The following PODXL variants were observed in gnomAD, a reference collection of about 807,000 sequenced individuals.
The protein encoded by PODXL is podocalyxin like.
A neutral mutation model predicts 48.9 loss-of-function variants in PODXL; 20 were observed. That is an observed-to-expected ratio of 0.41 (90% CI 0.29 to 0.59). The LOEUF is 0.59. PODXL is among the 20% of genes least tolerant of loss of function. The probability of loss-of-function intolerance (pLI) is 0.31; values close to 1 mark genes in which losing one functional copy is unlikely to be tolerated. For missense variants in PODXL, 606 were observed against 675.1 expected (o/e 0.90, Z 1.13); for synonymous variants, 295 against 287.4 (o/e 1.03, Z -0.27).
At chr7:131,526,327 A>C (rs77114770) in intron 1 of PODXL, among the ~76,000 whole-genome samples, 8,768 of 152,278 alleles carry the variant, frequency 0.058, 357 homozygotes, top group Non-Finnish European at 0.082. Context: ...CAAAACAAGA[A>C]ATACTGGATC....
rs1554383572 is a variant in PODXL at position 131,516,736 on chromosome 7, C to CTTA, written c.101-5304_101-5303insTAA. Reference sequence around the variant, plus strand: ...CTTTGACTGTGGTGCTTTTTTTTCTCTTTTTTTTTTTTTTTTTGAGACAGG... The same window carrying CTTA: ...CTTTGACTGTGGTGCTTTTTTTTCTCTTATTTTTTTTTTTTTTTTTGAGACAGG... On this transcript the variant is annotated intron_variant, in intron 1 of 8. Coordinates refer to ENST00000378555, the MANE Select transcript of PODXL (RefSeq NM_001018111.3). Among the ~76,000 whole-genome samples, 22 of 125,620 alleles carry CTTA rather than the reference C, an allele frequency of 1.8e-4. No homozygotes were observed. The East Asian group carries it at 5.0e-3, about 28-fold the overall frequency. The allele number at this position is 125,620 out of a possible 152,430, so 82.4% of individuals were successfully genotyped here. A position where few individuals can be genotyped will look rare whatever the true frequency, so the allele number is the denominator to read the frequency against.
At chr7:131,525,931 G>A (rs1330142596) in intron 1 of PODXL, among the ~76,000 whole-genome samples, 1 of 152,146 alleles carries the variant, frequency 6.6e-6, no homozygotes, top group Non-Finnish European at 1.5e-5. Flanking sequence ...TCAGTCAGTC[G>A]GAACTCATGT....
chr7:131,522,432 G>A (rs1411977698), intron 1 of PODXL, among the ~76,000 whole-genome samples: 3 of 152,066 alleles, frequency 2.0e-5, no homozygotes, highest in Non-Finnish European at 4.4e-5. Context: ...GCAACATGGC[G>A]AGGATGCATC....
intron 1 of PODXL, chr7:131,520,454 A>G: frequency 4.3e-6 from 1 of 231,966 alleles, no homozygotes; most frequent in Non-Finnish European, 8.6e-6. Flanking sequence ...TTGGTTACCC[A>G]CGTGCCTGTT....
intron 5 of PODXL, chr7:131,506,979 G>A (rs547666366): frequency 2.2e-5 from 11 of 507,870 alleles, no homozygotes; most frequent in African/African-American, 1.3e-4. Context: ...TCTGGTCTAC[G>A]CTTGCACCTT....
At chr7:131,518,819 C>T (rs780239110) in intron 1 of PODXL, among the ~76,000 whole-genome samples, 78 of 152,284 alleles carry the variant, frequency 5.1e-4, no homozygotes, top group Admixed American at 1.4e-3. Flanking sequence ...CCCTCCACCA[C>T]GCCACTTGGT....
At chr7:131,536,730 G>C (rs1798380227) in intron 1 of PODXL, among the ~76,000 whole-genome samples, 1 of 152,152 alleles carries the variant, frequency 6.6e-6, no homozygotes, top group Admixed American at 6.5e-5. Flanking sequence ...GCTGCCCCAT[G>C]CTCACAGTAG....
In PODXL at chr7:131,506,196, G is replaced by A. The variant is rs1797798379; in HGVS notation, c.1311+64C>T. On this transcript the variant is annotated intron_variant, in intron 7 of 8. Transcript: ENST00000378555. ...GGTTCCTCCCCACAGAGAGAGGGGA[G>A]TAACCAGACCTCCCACAAGGGGCTT... 1.3e-5 allele frequency: 20 copies of A among 1,583,252 alleles called. No individual in the cohort carries two copies. The South Asian group carries it at 1.3e-4, about 11-fold the overall frequency.
chr7:131,541,435 C>G (rs1309181902), intron 1 of PODXL, among the ~76,000 whole-genome samples: 1 of 152,054 alleles, frequency 6.6e-6, no homozygotes, highest in African/African-American at 2.4e-5. Flanking sequence ...CACCTGTAAT[C>G]CCAGCACTTT....
chr7:131,552,963 T>C (rs1453446949), intron 1 of PODXL, among the ~76,000 whole-genome samples: 1 of 152,204 alleles, frequency 6.6e-6, no homozygotes, highest in Non-Finnish European at 1.5e-5. Flanking sequence ...CTAATTTTTT[T>C]GTCTTTTTAG....
At chr7:131,526,703 G>A (rs542458995) in intron 1 of PODXL, among the ~76,000 whole-genome samples, 1 of 143,804 alleles carries the variant, frequency 7.0e-6, no homozygotes, top group South Asian at 2.3e-4. Flanking sequence ...AAAGTTAGAC[G>A]TGTACACATA....
Position 131,505,897 on chromosome 7 carries a change from G to A in PODXL, c.1450C>T (p.His484Tyr), listed in dbSNP as rs764811320. Residue 484 changes from histidine (H) to tyrosine (Y), a missense_variant, in exon 8 of 9, where the codon CAC (histidine) becomes TAC (tyrosine). His to Tyr is a moderately conservative substitution (Grantham distance 83). Coordinates refer to ENST00000378555, the MANE Select transcript of PODXL (RefSeq NM_001018111.3). ...TCCTTCCTCTGGGAGAGGCGCTGGTGGCAGCAGCCATAGAGGGCCGCCACG... is the reference window on the plus strand; with the variant it reads ...TCCTTCCTCTGGGAGAGGCGCTGGTAGCAGCAGCCATAGAGGGCCGCCACG... ...LLVAALYGCC[H>Y]QRLSQRKDQQ... 20 of 1,573,998 alleles carry A rather than the reference G, an allele frequency of 1.3e-5. No individual in the cohort carries two copies. The East Asian group carries it at 4.6e-4, about 36-fold the overall frequency.
intron 1 of PODXL, among the ~76,000 whole-genome samples, chr7:131,548,077 G>A (rs2116866399): frequency 6.6e-6 from 1 of 152,326 alleles, no homozygotes; most frequent in South Asian, 2.1e-4. Context: ...AATTAGGAAG[G>A]AGCCAGGTTT....
At chr7:131,509,269 G>A (rs1436464263) in intron 4 of PODXL, 96 bp downstream of exon 4, 1 of 1,020,828 alleles carries the variant, frequency 9.8e-7, no homozygotes, top group East Asian at 2.4e-5. Flanking sequence ...CCCAGCCAGG[G>A]GCCCTGCGTT....
chr7:131,512,390 G>A (rs1797928352), intron 1 of PODXL, among the ~76,000 whole-genome samples: 1 of 152,092 alleles, frequency 6.6e-6, no homozygotes, highest in Admixed American at 6.5e-5. Context: ...GAGACGAGCG[G>A]GGAGGGACCA....
At chr7:131,545,495 ACT>A (rs1224391668) in intron 1 of PODXL, among the ~76,000 whole-genome samples, 1 of 152,150 alleles carries the variant, frequency 6.6e-6, no homozygotes, top group Admixed American at 6.5e-5. Flanking sequence ...ACAGTTGGTC[ACT>A]CTATCTTCAC....
At chr7:131,550,217 G>A (rs1798647723) in intron 1 of PODXL, among the ~76,000 whole-genome samples, 2 of 152,372 alleles carry the variant, frequency 1.3e-5, no homozygotes, top group South Asian at 4.1e-4. Flanking sequence ...GGTGGCCAGT[G>A]CTATGGCACA....
Position 131,500,551 on chromosome 7 carries a change from C to G in PODXL, c.*3760G>C, listed in dbSNP as rs1054420235. 3 of 152,468 alleles carry G rather than the reference C, an allele frequency of 2.0e-5. No individual in the cohort carries two copies. The highest frequency in any genetic ancestry group is 6.5e-5 in the Admixed American group (1 of 15,286). 9.4% of individuals were successfully genotyped at this position (152,468 alleles called of 1,614,324 possible). A position where few individuals can be genotyped will look rare whatever the true frequency, so the allele number is the denominator to read the frequency against. ...GATCAGCTAGTGACCGTGACAAAAG[C>G]TATGCTACAGTTTTACTCTTGCCCT... On this transcript the variant is annotated 3_prime_UTR_variant, in exon 9 of 9. Coordinates refer to ENST00000378555, the MANE Select transcript of PODXL (RefSeq NM_001018111.3).
In PODXL at chr7:131,501,498, G is replaced by A. The variant is rs1797702487; in HGVS notation, c.*2813C>T. ...GGAAAAAAATCTGGTGCCTAGACTA[G>A]ATTAAACCCGTATTCTGTCTTACAA... On this transcript the variant is annotated 3_prime_UTR_variant, in exon 9 of 9. Transcript: ENST00000378555. 6.6e-6 allele frequency: 1 copy of A among 152,496 alleles called. No homozygotes were observed. Among genetic ancestry groups the A allele is most frequent in the African/African-American group, 2.4e-5 (1 of 41,438 alleles). The allele number at this position is 152,496 out of a possible 1,614,324, so 9.4% of individuals were successfully genotyped here.
Sources: gnomAD v4.1 joint callset for allele counts (sites outside exome capture counted in the v4.1 genomes callset) on GRCh38, gnomAD v4.1.1 for gene constraint, MANE v1.5 for transcripts, NCBI Gene and HGNC (gene_info 2026-07-23, HGNC 2026-07-21) for gene names.